Variants in DNAJC6 observed in about 807,000 individuals in gnomAD.
DNAJC6 encodes the protein auxilin.
A neutral mutation model predicts 110.0 loss-of-function variants in DNAJC6; 34 were observed. That is an observed-to-expected ratio of 0.31 (90% CI 0.24 to 0.41). DNAJC6 has a LOEUF of 0.41. Among genes scored for constraint, DNAJC6 ranks in the 10% least tolerant of loss-of-function variants. The pLI is 1.00. For missense variants in DNAJC6, 1,031 were observed against 1,207.8 expected (o/e 0.85, Z 2.17); for synonymous variants, 406 against 437.2 (o/e 0.93, Z 0.89).
intron 4 of DNAJC6, among the ~76,000 whole-genome samples, chr1:65,368,783 C>A (rs1490972311): frequency 2.5e-5 from 3 of 121,192 alleles, no homozygotes; most frequent in Non-Finnish European, 5.0e-5. Flanking sequence ...CCCTTCCCTT[C>A]CCTTCCCTTC....
chr1:65,355,882 CTTT>C (rs372078909), intron 1 of DNAJC6, among the ~76,000 whole-genome samples: 842 of 82,796 alleles, frequency 0.01, 3 homozygotes, highest in African/African-American at 0.039. Flanking sequence ...AACAGCATGG[CTTT>C]TTTTTTTTTT....
In DNAJC6 at chr1:65,392,839, C is replaced by T. The variant is rs761922985; in HGVS notation, c.1877C>T (p.Ala626Val). ...CGCCGCTCTGCCACCTCCACCTCTG[C>T]GTCTCCAACCCTAAGAGTGGGAGAA... ...TPRRSATSTS[A>V]SPTLRVGEGA... The change falls in exon 12 of 19, where the codon GCG becomes GTG. Residue 626 changes from alanine to valine, a missense_variant. Ala to Val is a moderately conservative substitution (Grantham distance 64, BLOSUM62 0). Coordinates refer to ENST00000371069, the MANE Select transcript of DNAJC6 (RefSeq NM_001256864.2). The T allele has an allele frequency of 7.8e-6, 12 of 1,536,888 alleles. No individual in the cohort carries two copies. The highest frequency in any genetic ancestry group is 2.8e-5 in the African/African-American group (2 of 72,442).
chr1:65,401,989 A>C lies in DNAJC6; in HGVS notation c.2227+109A>C, dbSNP rs1333570106. On this transcript the variant is annotated intron_variant, in intron 15 of 18. Coordinates refer to ENST00000371069, the MANE Select transcript of DNAJC6 (RefSeq NM_001256864.2). ...GCTGGTATTGTCACCTGGAACCTCAAATAGTGTGTATTCTTAAGCTATCCT... is the reference window on the plus strand; with the variant it reads ...GCTGGTATTGTCACCTGGAACCTCACATAGTGTGTATTCTTAAGCTATCCT... 9 of 1,439,540 alleles carry C rather than the reference A, an allele frequency of 6.3e-6. No homozygotes were observed. The African/African-American group carries it at 1.3e-4, about 21-fold the overall frequency. The allele number at this position is 1,439,540 out of a possible 1,614,324, so 89.2% of individuals were successfully genotyped here.
chr1:65,309,517 C>G, upstream of DNAJC6: 3 of 875,826 alleles, frequency 3.4e-6, no homozygotes, highest in Non-Finnish European at 4.3e-6. Flanking sequence ...GCGTCTCCTT[C>G]CCTCCCTCCC....
chr1:65,355,963 A>T (rs555291405), intron 1 of DNAJC6, among the ~76,000 whole-genome samples: 136 of 114,046 alleles, frequency 1.2e-3, no homozygotes, highest in Middle Eastern at 9.6e-3. Flanking sequence ...TTTATCTTCT[A>T]TGTGCCATTC....
intron 1 of DNAJC6, chr1:65,279,225 G>T: frequency 2.1e-6 from 2 of 933,790 alleles, no homozygotes; most frequent in Non-Finnish European, 2.6e-6. Flanking sequence ...TGATGGTGGC[G>T]TGCAGAGATT....
chr1:65,302,292 A>T (rs1198888691), intron 1 of DNAJC6, among the ~76,000 whole-genome samples: 1 of 104,110 alleles, frequency 9.6e-6, no homozygotes, highest in Non-Finnish European at 1.9e-5. Context: ...ATAATATATA[A>T]TATATATAAT....
At chr1:65,380,890 G>GTTTTTTTTGTTTTGTTTTTTTTTTTTTT (rs1557551919) in intron 5 of DNAJC6, among the ~76,000 whole-genome samples, 2 of 118,758 alleles carry the variant, frequency 1.7e-5, no homozygotes, top group Admixed American at 8.0e-5. Flanking sequence ...GGGGGAGGGA[G>GTTTTTTTTGTTTTGTTTTTTTTTTTTTT]TTTTTTTTTT....
intron 15 of DNAJC6, among the ~76,000 whole-genome samples, chr1:65,405,624 C>G (rs1004986667): frequency 6.6e-6 from 1 of 152,116 alleles, no homozygotes; most frequent in African/African-American, 2.4e-5. Flanking sequence ...AATCACTTAA[C>G]TGCTCTGACC....
At chr1:65,311,215 G>GTTTT (rs71056098) in intron 1 of DNAJC6, among the ~76,000 whole-genome samples, 2,017 of 68,880 alleles carry the variant, frequency 0.029, 543 homozygotes, top group African/African-American at 0.036. Context: ...TTTCAGGACT[G>GTTTT]TTTTTTTTTT....
intron 2 of DNAJC6, among the ~76,000 whole-genome samples, 175 bp from the exon 3 acceptor site, chr1:65,365,710 T>A (rs1645639197): frequency 6.6e-6 from 1 of 152,106 alleles, no homozygotes; most frequent in Non-Finnish European, 1.5e-5. Context: ...ACCCCTGAGG[T>A]CACGGGCTTT....
At chr1:65,376,830 T>C (rs1591363) in intron 4 of DNAJC6, among the ~76,000 whole-genome samples, 38,096 of 151,996 alleles carry the variant, frequency 0.25, 8,297 homozygotes, top group East Asian at 0.61. Context: ...AGTGCAATGG[T>C]GTGATCTCAG....
intron 1 of DNAJC6, among the ~76,000 whole-genome samples, chr1:65,275,802 T>C (rs1344091128): frequency 1.3e-5 from 2 of 152,136 alleles, no homozygotes; most frequent in Non-Finnish European, 2.9e-5. Flanking sequence ...ATCTTAGAGC[T>C]TACTGGTTCT....
At chr1:65,306,234 A>T (rs145263010), upstream of DNAJC6, among the ~76,000 whole-genome samples, 347 of 152,062 alleles carry the variant, frequency 2.3e-3, no homozygotes, top group African/African-American at 8.0e-3. Context: ...TTTTTAGTAG[A>T]TACAGGGTTT....
chr1:65,404,423 G>GT lies in DNAJC6; in HGVS notation c.2228-1439dup, dbSNP rs905653057. ...AAGAAACTCAGGCTCAAAGGAGTGAGTTTTTTTTACCCAGCTTTAGAAGAG... is the reference window on the plus strand; with the variant it reads ...AAGAAACTCAGGCTCAAAGGAGTGAGTTTTTTTTTACCCAGCTTTAGAAGAG... On this transcript the variant is annotated intron_variant, in intron 15 of 18. Coordinates refer to ENST00000371069, the MANE Select transcript of DNAJC6 (RefSeq NM_001256864.2). Among the ~76,000 whole-genome samples the GT allele has an allele frequency of 5.3e-5, 8 of 152,034 alleles. No homozygotes were observed. The South Asian group carries it at 8.3e-4, about 16-fold the overall frequency.
intron 1 of DNAJC6, among the ~76,000 whole-genome samples, chr1:65,275,899 C>CTTTTTTTTTTTTTTTTTTTTTTTGTTTT (rs34750466): frequency 7.2e-6 from 1 of 138,858 alleles, no homozygotes. Flanking sequence ...CTATTAGATT[C>CTTTTTTTTTTTTTTTTTTTTTTTGTTTT]TTTTTTTTTT....
chr1:65,409,067 G>C (rs1481257605), intron 17 of DNAJC6, among the ~76,000 whole-genome samples: 1 of 152,102 alleles, frequency 6.6e-6, no homozygotes, highest in Non-Finnish European at 1.5e-5. Context: ...TGTCCTCATA[G>C]GCAGAAGAAA....
intron 15 of DNAJC6, among the ~76,000 whole-genome samples, chr1:65,402,527 G>T (rs1378779140): frequency 6.6e-6 from 1 of 152,166 alleles, no homozygotes; most frequent in Admixed American, 6.5e-5. Context: ...TCACCAAGGA[G>T]CCTGTTTTCA....
chr1:65,289,725 G>T (rs565620583), intron 1 of DNAJC6, among the ~76,000 whole-genome samples: 208 of 151,856 alleles, frequency 1.4e-3, no homozygotes, highest in African/African-American at 4.9e-3. Flanking sequence ...ATGCTATTTT[G>T]TTACAGCAGC....
Sources: allele counts gnomAD v4.1 joint callset (sites outside exome capture counted in the v4.1 genomes callset), GRCh38; gene constraint gnomAD v4.1.1; transcripts MANE v1.5; gene names NCBI Gene and HGNC (gene_info 2026-07-23, HGNC 2026-07-21).